TTC12: variants seen among roughly 807,000 people sequenced by gnomAD.
TTC12 encodes the protein tetratricopeptide repeat domain 12.
Under a neutral mutation model 90.1 loss-of-function variants are expected in TTC12, and 70 were observed. The ratio of observed to expected loss-of-function variants is 0.78; its 90% CI spans 0.64 to 0.95. The LOEUF is 0.95. TTC12 is among the 40% of genes least tolerant of loss of function. The pLI, the probability that TTC12 is intolerant of heterozygous loss-of-function variation, is 0.00. For missense variants in TTC12, 819 were observed against 846.1 expected (o/e 0.97, Z 0.40); for synonymous variants, 296 against 311.5 (o/e 0.95, Z 0.53).
intron 7 of TTC12, among the ~76,000 whole-genome samples, chr11:113,330,960 A>G (rs553265844): frequency 2.0e-5 from 3 of 152,260 alleles, no homozygotes; most frequent in African/African-American, 7.2e-5. Flanking sequence ...CCCTAGCCTA[A>G]TGAGTATGTC....
At chr11:113,372,542 A>G (rs1950413103) in intron 21 of TTC12, among the ~76,000 whole-genome samples, 2 of 152,264 alleles carry the variant, frequency 1.3e-5, no homozygotes, top group African/African-American at 4.8e-5. Flanking sequence ...TTTTACTGAT[A>G]AAGCACTCAC....
At chr11:113,365,477 A>G (rs10789942) in intron 21 of TTC12, 84,705 of 212,676 alleles carry the variant, frequency 0.4, 19,772 homozygotes, top group Non-Finnish European at 0.53. Context: ...TCTTTGCCTC[A>G]GCCTAAACAA....
At chr11:113,323,909 ATTTGCCTTCTTGGT>A in intron 3 of TTC12, 71 bp from the exon 4 acceptor site, 1 of 1,057,580 alleles carries the variant, frequency 9.5e-7, no homozygotes. Flanking sequence ...TTTGTAATTG[ATTTGCCTTCTTGGT>A]TTATATACAT....
intron 21 of TTC12, 38 bp downstream of exon 21, chr11:113,365,098 G>A (rs1950138797): frequency 1.3e-6 from 2 of 1,586,486 alleles, no homozygotes; most frequent in African/African-American, 2.7e-5. Context: ...ACCTATTGCA[G>A]AAAGAGCAGC....
chr11:113,356,918 A>G (rs1949666031), intron 16 of TTC12, among the ~76,000 whole-genome samples: 2 of 151,942 alleles, frequency 1.3e-5, no homozygotes, highest in African/African-American at 2.4e-5. Context: ...GGGTGATCTT[A>G]TGAAGTATCT....
At chr11:113,355,195 A>G (rs894832590) in intron 16 of TTC12, among the ~76,000 whole-genome samples, 2 of 151,982 alleles carry the variant, frequency 1.3e-5, no homozygotes, top group African/African-American at 4.8e-5. Flanking sequence ...TGGATGGTGT[A>G]TGTGTCCAGA....
At chr11:113,337,726 G>T (rs782692585) in intron 8 of TTC12, among the ~76,000 whole-genome samples, 10 of 152,172 alleles carry the variant, frequency 6.6e-5, no homozygotes, top group Non-Finnish European at 1.2e-4. Context: ...CTGCCATGCC[G>T]AGCATGTGTT....
At chr11:113,329,527 T>C (rs925179678) in intron 6 of TTC12, 3 of 454,920 alleles carry the variant, frequency 6.6e-6, no homozygotes, top group Admixed American at 2.4e-5. Context: ...GGGGTATTTA[T>C]TCTCCTGGCC....
chr11:113,353,404 C>T (rs1465050374), intron 16 of TTC12, among the ~76,000 whole-genome samples: 2 of 152,098 alleles, frequency 1.3e-5, no homozygotes, highest in Non-Finnish European at 2.9e-5. Context: ...AAACTTTCTC[C>T]CATTCTATAG....
intron 16 of TTC12, among the ~76,000 whole-genome samples, chr11:113,356,458 C>T (rs1555152486): frequency 6.6e-6 from 1 of 152,130 alleles, no homozygotes; most frequent in Non-Finnish European, 1.5e-5. Context: ...GTTAGTATTG[C>T]TATGTGTGGA....
At chr11:113,341,620 GC>G (rs1555146058) in intron 11 of TTC12, 1 of 548,780 alleles carries the variant, frequency 1.8e-6, no homozygotes, top group Non-Finnish European at 3.3e-6. Context: ...CTGGCTCACT[GC>G]CCAGCCTCTG....
In TTC12 at chr11:113,364,875, G is replaced by A. The variant is rs139844310; in HGVS notation, c.1857G>A (p.Glu619=). The A allele has an allele frequency of 2.4e-5, 39 of 1,614,110 alleles. No individual in the cohort carries two copies. The highest frequency in any genetic ancestry group is 2.3e-4 in the African/African-American group (17 of 74,932). Residue 619 remains glutamate, a synonymous_variant, in exon 21 of 22, where the codon GAG becomes GAA. Coordinates refer to ENST00000529221, the MANE Select transcript of TTC12 (RefSeq NM_017868.4). ...TGAAGCTGCTCAGCTCGGAGGATGAGGTTCTGGTGGGCAACGCTGCCCTCT... is the reference window on the plus strand; with the variant it reads ...TGAAGCTGCTCAGCTCGGAGGATGAAGTTCTGGTGGGCAACGCTGCCCTCT... ...VMMKLLSSED[E]VLVGNAALCL...
chr11:113,325,757 G>A (rs1591528620), intron 6 of TTC12, 112 bp downstream of exon 6: 2 of 1,422,896 alleles, frequency 1.4e-6, no homozygotes, highest in East Asian at 2.3e-5. Context: ...TATAAGAACT[G>A]GCTCTTGTTT....
At chr11:113,348,825 G>A (rs1949111222) in intron 13 of TTC12, among the ~76,000 whole-genome samples, 1 of 152,336 alleles carries the variant, frequency 6.6e-6, no homozygotes, top group Non-Finnish European at 1.5e-5. Flanking sequence ...CTTTCCAGCA[G>A]GCCCTAGAAG....
chr11:113,348,480 C>T (rs1949091783), intron 13 of TTC12, among the ~76,000 whole-genome samples: 1 of 152,172 alleles, frequency 6.6e-6, no homozygotes, highest in Non-Finnish European at 1.5e-5. Context: ...GGTCCCTTAG[C>T]CTTTATTATC....
intron 6 of TTC12, among the ~76,000 whole-genome samples, chr11:113,329,147 A>G (rs1252390220): frequency 1.3e-5 from 2 of 152,252 alleles, no homozygotes; most frequent in Non-Finnish European, 2.9e-5. Flanking sequence ...GTATATACCT[A>G]GGAGTAAAAT....
chr11:113,322,994 A>G (rs1947435276), intron 2 of TTC12, among the ~76,000 whole-genome samples: 1 of 151,902 alleles, frequency 6.6e-6, no homozygotes, highest in Non-Finnish European at 1.5e-5. Flanking sequence ...CATCAGCATA[A>G]TATCTAACTC....
In TTC12 at chr11:113,335,032, A is replaced by G. The variant is rs782572401; in HGVS notation, c.571A>G (p.Ser191Gly). Residue 191 changes from serine (S) to glycine (G), a missense_variant, in exon 8 of 22, where the codon AGT (serine) becomes GGT (glycine). Transcript: ENST00000529221. ...GKANLALKNY[S>G]VSRECYKKIL... ...AGCCAACCTGGCCCTGAAGAACTAC[A>G]GTGTGGTAAGTTCTTAGAGGAATGT... 6.2e-7 allele frequency: 1 copy of G among 1,610,680 alleles called. No homozygotes were observed. Among genetic ancestry groups the G allele is most frequent in the Admixed American group, 1.7e-5 (1 of 60,022 alleles).
intron 12 of TTC12, among the ~76,000 whole-genome samples, chr11:113,343,744 G>T: frequency 6.6e-6 from 1 of 152,198 alleles, no homozygotes; most frequent in South Asian, 2.1e-4. Context: ...CACCCTGGAA[G>T]AGCTTATGTT....
Sources: gnomAD v4.1 joint callset for allele counts (sites outside exome capture counted in the v4.1 genomes callset) on GRCh38, gnomAD v4.1.1 for gene constraint, MANE v1.5 for transcripts, NCBI Gene and HGNC (gene_info 2026-07-23, HGNC 2026-07-21) for gene names.